ADCY8: variants seen among roughly 807,000 people sequenced by gnomAD.
The protein encoded by ADCY8 is adenylate cyclase type 8.
In ADCY8, 51 loss-of-function variants were observed where a neutral mutation model predicts 119.7. That is an observed-to-expected ratio of 0.43 (90% CI 0.34 to 0.54). The LOEUF is 0.54. Ranked by LOEUF, ADCY8 falls within the 20% of genes least tolerant of loss-of-function variation. The pLI, the probability that ADCY8 is intolerant of heterozygous loss-of-function variation, is 0.03. For missense variants in ADCY8, 1,383 were observed against 1,598.8 expected (o/e 0.87, Z 2.30); for synonymous variants, 665 against 651.0 (o/e 1.02, Z -0.33).
intron 1 of ADCY8, among the ~76,000 whole-genome samples, chr8:131,013,105 A>G (rs751514110): frequency 2.6e-4 from 40 of 152,212 alleles, no homozygotes; most frequent in Non-Finnish European, 5.1e-4. Flanking sequence ...TCCCTCATTC[A>G]TTCACTTTAT....
At chr8:130,929,431 T>G (rs7465065) in intron 5 of ADCY8, among the ~76,000 whole-genome samples, 18,878 of 152,224 alleles carry the variant, frequency 0.12, 1,396 homozygotes, top group Non-Finnish European at 0.17. Flanking sequence ...TTTCAATGTA[T>G]TTGTGAATTT....
chr8:130,965,306 G>A (rs1821728244), intron 2 of ADCY8, among the ~76,000 whole-genome samples: 1 of 152,096 alleles, frequency 6.6e-6, no homozygotes, highest in African/African-American at 2.4e-5. Context: ...GCACAAAGAT[G>A]GAAATAATAG....
At chr8:130,817,822 T>C (rs531508704) in intron 13 of ADCY8, among the ~76,000 whole-genome samples, 1 of 152,132 alleles carries the variant, frequency 6.6e-6, no homozygotes, top group African/African-American at 2.4e-5. Flanking sequence ...AGGTAACAAA[T>C]AGTGAGGAGA....
chr8:130,891,556 G>A (rs1429695334), intron 7 of ADCY8, among the ~76,000 whole-genome samples: 1 of 152,208 alleles, frequency 6.6e-6, no homozygotes, highest in Non-Finnish European at 1.5e-5. Context: ...TCTTAAGAAA[G>A]CTCATACCTT....
At chr8:130,952,990 AT>A (rs2130661905) in intron 2 of ADCY8, among the ~76,000 whole-genome samples, 1 of 152,292 alleles carries the variant, frequency 6.6e-6, no homozygotes, top group Admixed American at 6.5e-5. Flanking sequence ...AAACAATAAT[AT>A]TTCTATTGTG....
chr8:130,831,256 T>C (rs1432223987), intron 12 of ADCY8, among the ~76,000 whole-genome samples: 1 of 152,218 alleles, frequency 6.6e-6, no homozygotes, highest in Non-Finnish European at 1.5e-5. Flanking sequence ...TCATTTAATA[T>C]TTCATTCTGC....
chr8:130,909,567 G>A, intron 6 of ADCY8, 141 bp downstream of exon 6: 2 of 989,912 alleles, frequency 2.0e-6, no homozygotes, highest in East Asian at 4.8e-5. Context: ...GCTAATAGTT[G>A]TATGATGTTT....
At chr8:130,959,471 A>T (rs1821533897) in intron 2 of ADCY8, among the ~76,000 whole-genome samples, 1 of 152,252 alleles carries the variant, frequency 6.6e-6, no homozygotes, top group African/African-American at 2.4e-5. Flanking sequence ...AACTGTTTCT[A>T]GTGCCAAGCA....
chr8:130,808,367 C>G (rs1405376150), intron 14 of ADCY8, among the ~76,000 whole-genome samples: 1 of 152,102 alleles, frequency 6.6e-6, no homozygotes, highest in Non-Finnish European at 1.5e-5. Context: ...GAAAAAATAG[C>G]AATGACTCAC....
chr8:130,950,359 A>G (rs987623024), intron 3 of ADCY8, among the ~76,000 whole-genome samples: 1 of 152,246 alleles, frequency 6.6e-6, no homozygotes, highest in Non-Finnish European at 1.5e-5. Flanking sequence ...CAGCAGGAGC[A>G]GGAAGTCAGG....
intron 7 of ADCY8, among the ~76,000 whole-genome samples, chr8:130,893,743 A>AGTTTATGTGTGTGTGCAT (rs1433970964): frequency 9.1e-6 from 1 of 110,262 alleles, no homozygotes; most frequent in Non-Finnish European, 2.0e-5. Flanking sequence ...TGGGTGTGCA[A>AGTTTATGTGTGTGTGCAT]GTTTATGTGT....
chr8:131,025,228 A>T (rs2130801237), intron 1 of ADCY8, among the ~76,000 whole-genome samples: 1 of 152,216 alleles, frequency 6.6e-6, no homozygotes, highest in Admixed American at 6.5e-5. Flanking sequence ...CATTGCTACT[A>T]TTTGCAAGGT....
intron 1 of ADCY8, among the ~76,000 whole-genome samples, chr8:131,006,082 C>T (rs1823109265): frequency 6.6e-6 from 1 of 151,988 alleles, no homozygotes; most frequent in South Asian, 2.1e-4. Flanking sequence ...ACAACTACTT[C>T]CTCAGCATGC....
At chr8:130,994,278 T>G (rs1384447750) in intron 1 of ADCY8, among the ~76,000 whole-genome samples, 2 of 152,230 alleles carry the variant, frequency 1.3e-5, no homozygotes, top group Non-Finnish European at 2.9e-5. Flanking sequence ...ATCTCATCCT[T>G]TCTTAAAATG....
intron 2 of ADCY8, among the ~76,000 whole-genome samples, chr8:130,969,278 A>G (rs1821854128): frequency 1.3e-5 from 2 of 152,178 alleles, no homozygotes; most frequent in African/African-American, 4.8e-5. Context: ...AGCAGATGGC[A>G]TTTTGATTTG....
At chr8:130,981,070 C>G (rs1263335605) in intron 2 of ADCY8, among the ~76,000 whole-genome samples, 1 of 152,130 alleles carries the variant, frequency 6.6e-6, no homozygotes, top group South Asian at 2.1e-4. Context: ...GCTTTCGTTT[C>G]TATGAAAAAT....
intron 1 of ADCY8, among the ~76,000 whole-genome samples, chr8:131,029,168 T>C (rs1051963295): frequency 2.6e-5 from 4 of 152,216 alleles, no homozygotes; most frequent in African/African-American, 9.6e-5. Context: ...GCGCGAGATC[T>C]AGACTGCAAG....
chr8:130,846,332 G>A (rs1241383157), intron 11 of ADCY8, among the ~76,000 whole-genome samples: 1 of 152,130 alleles, frequency 6.6e-6, no homozygotes, highest in African/African-American at 2.4e-5. Context: ...TGACCCCAAG[G>A]CCCAGAAACA....
rs1586614924 is a variant in ADCY8, at chr8:130,967,469, A to ACAATACCT, written c.1111-15479_1111-15472dup. On this transcript the variant is annotated intron_variant, in intron 2 of 17. Transcript: ENST00000286355. Reference sequence around the variant, plus strand: ...TGGTTTCTTCATCTACAGAGTGAGAACAATACCTGTCTCCCAGGATTGTTT... The same window carrying ACAATACCT: ...TGGTTTCTTCATCTACAGAGTGAGAACAATACCTCAATACCTGTCTCCCAGGATTGTTT... Among the ~76,000 whole-genome samples, 7 of 152,334 alleles carry ACAATACCT rather than the reference A, an allele frequency of 4.6e-5. 2 individuals are homozygous for ACAATACCT.
Sources: gnomAD v4.1 joint callset for allele counts (sites outside exome capture counted in the v4.1 genomes callset) on GRCh38, gnomAD v4.1.1 for gene constraint, MANE v1.5 for transcripts, NCBI Gene and HGNC (gene_info 2026-07-23, HGNC 2026-07-21) for gene names.